KCTD8: variants seen among roughly 807,000 people sequenced by gnomAD.
KCTD8 encodes potassium channel tetramerization domain containing 8, also known as BTB/POZ domain-containing protein KCTD8.
KCTD8 carries 27 observed loss-of-function variants against 31.5 expected under a neutral mutation model. That is an observed-to-expected ratio of 0.86 (90% confidence interval 0.63 to 1.18). The LOEUF is 1.18. Ranked by LOEUF, KCTD8 falls within the 50% of genes most tolerant of loss-of-function variation. The probability of loss-of-function intolerance (pLI) is 0.00; values close to 1 mark genes in which losing one functional copy is unlikely to be tolerated. For synonymous variants in KCTD8, 290 were observed against 280.0 expected (o/e 1.04, Z -0.36); for missense variants, 658 against 647.7 (o/e 1.02, Z -0.17).
chr4:44,264,667 C>T (rs563085713), intron 1 of KCTD8, among the ~76,000 whole-genome samples: 5 of 152,240 alleles, frequency 3.3e-5, no homozygotes, highest in South Asian at 2.1e-4. Flanking sequence ...CCTGGAAAAT[C>T]GGGTCACTCC....
At chr4:44,267,458 G>T (rs1315016735) in intron 1 of KCTD8, among the ~76,000 whole-genome samples, 1 of 152,058 alleles carries the variant, frequency 6.6e-6, no homozygotes, top group East Asian at 1.9e-4. Context: ...ATCCAAAATT[G>T]ACACCCTAAC....
chr4:44,418,639 C>T (rs541109173), intron 1 of KCTD8, among the ~76,000 whole-genome samples: 16 of 152,158 alleles, frequency 1.1e-4, no homozygotes, highest in Non-Finnish European at 1.9e-4. Context: ...GCAAATACTA[C>T]AGTGATTGAG....
intron 1 of KCTD8, among the ~76,000 whole-genome samples, chr4:44,202,012 T>C (rs1714164529): frequency 6.6e-6 from 1 of 152,076 alleles, no homozygotes; most frequent in African/African-American, 2.4e-5. Context: ...GGAAAGAAGA[T>C]GTATTGGTGG....
At chr4:44,303,471 T>C (rs536383836) in intron 1 of KCTD8, among the ~76,000 whole-genome samples, 1 of 141,280 alleles carries the variant, frequency 7.1e-6, no homozygotes, top group Admixed American at 7.3e-5. Context: ...TCGAGGAATT[T>C]ATCCATTTCT....
intron 1 of KCTD8, among the ~76,000 whole-genome samples, chr4:44,446,845 T>G (rs1162270477): frequency 6.6e-6 from 1 of 150,864 alleles, no homozygotes; most frequent in Non-Finnish European, 1.5e-5. Context: ...CACTCAGACA[T>G]GCAAACTTTC....
intron 1 of KCTD8, among the ~76,000 whole-genome samples, chr4:44,235,485 A>G (rs1451920091): frequency 2.2e-5 from 3 of 134,606 alleles, no homozygotes; most frequent in Non-Finnish European, 4.8e-5. Flanking sequence ...AGACTGGATG[A>G]CTGGATTTTA....
At chr4:44,225,514 C>T (rs901823478) in intron 1 of KCTD8, among the ~76,000 whole-genome samples, 6 of 152,094 alleles carry the variant, frequency 3.9e-5, no homozygotes, top group Middle Eastern at 3.4e-3. Flanking sequence ...TATTTCATAT[C>T]GGATTTGGTA....
chr4:44,425,724 G>C (rs1443216120), intron 1 of KCTD8, among the ~76,000 whole-genome samples: 1 of 151,992 alleles, frequency 6.6e-6, no homozygotes, highest in Non-Finnish European at 1.5e-5. Context: ...ACAAAAGATA[G>C]AGGGAGCTAT....
At chr4:44,432,399 T>C (rs1721527538) in intron 1 of KCTD8, among the ~76,000 whole-genome samples, 1 of 151,554 alleles carries the variant, frequency 6.6e-6, no homozygotes, top group East Asian at 1.9e-4. Context: ...AACCATAATC[T>C]TTTTCAGAAT....
chr4:44,208,408 A>G (rs1332877361), intron 1 of KCTD8, among the ~76,000 whole-genome samples: 3 of 152,168 alleles, frequency 2.0e-5, no homozygotes, highest in Non-Finnish European at 4.4e-5. Flanking sequence ...GCACCCTCAG[A>G]CTGCATCCTA....
At chr4:44,430,307 T>C (rs1413250719) in intron 1 of KCTD8, among the ~76,000 whole-genome samples, 4 of 151,154 alleles carry the variant, frequency 2.6e-5, no homozygotes, top group Non-Finnish European at 5.9e-5. Context: ...GGAGCAAGAG[T>C]GTTCAGGGTA....
chr4:44,269,886 AAAC>A (rs1407175507), intron 1 of KCTD8, among the ~76,000 whole-genome samples: 1 of 152,176 alleles, frequency 6.6e-6, no homozygotes, highest in Non-Finnish European at 1.5e-5. Flanking sequence ...AAAAGTCAGG[AAAC>A]AACACATGCT....
chr4:44,209,171 T>C (rs1354225049), intron 1 of KCTD8, among the ~76,000 whole-genome samples: 1 of 152,082 alleles, frequency 6.6e-6, no homozygotes, highest in Non-Finnish European at 1.5e-5. Context: ...TCTGAAGGGA[T>C]TTTTATTATG....
At chr4:44,438,198 A>G (rs1721724051) in intron 1 of KCTD8, among the ~76,000 whole-genome samples, 1 of 152,206 alleles carries the variant, frequency 6.6e-6, no homozygotes, top group African/African-American at 2.4e-5. Flanking sequence ...TTGAGCAACT[A>G]GAAAACTTAT....
chr4:44,399,397 T>G (rs1228878865), intron 1 of KCTD8, among the ~76,000 whole-genome samples: 1 of 152,064 alleles, frequency 6.6e-6, no homozygotes. Context: ...GATGTGGAAA[T>G]TTTAGTTTAA....
chr4:44,338,252 A>C (rs1433691853), intron 1 of KCTD8, among the ~76,000 whole-genome samples: 1 of 152,162 alleles, frequency 6.6e-6, no homozygotes, highest in Non-Finnish European at 1.5e-5. Context: ...TTCATATTAA[A>C]GAACATAAAA....
chr4:44,236,791 C>T (rs760889987), intron 1 of KCTD8, among the ~76,000 whole-genome samples: 4 of 152,030 alleles, frequency 2.6e-5, no homozygotes, highest in Non-Finnish European at 5.9e-5. Context: ...ATTGTCACTC[C>T]CATAATTACC....
At chr4:44,193,551 G>T (rs1008757141) in intron 1 of KCTD8, among the ~76,000 whole-genome samples, 3 of 151,726 alleles carry the variant, frequency 2.0e-5, no homozygotes, top group Admixed American at 2.0e-4. Flanking sequence ...AACATTTGGG[G>T]ATAAAAATGT....
chr4:44,226,020 G>A (rs1251001339), intron 1 of KCTD8, among the ~76,000 whole-genome samples: 2 of 151,770 alleles, frequency 1.3e-5, no homozygotes, highest in Non-Finnish European at 2.9e-5. Flanking sequence ...AGTAGAGATG[G>A]GGTTTCACCG....
Sources: gnomAD v4.1 joint callset for allele counts (sites outside exome capture counted in the v4.1 genomes callset) on GRCh38, gnomAD v4.1.1 for gene constraint, MANE v1.5 for transcripts, NCBI Gene and HGNC (gene_info 2026-07-23, HGNC 2026-07-21) for gene names.